Variants in SEMA4F observed in about 807,000 individuals in gnomAD.
The protein encoded by SEMA4F is ssemaphorin 4F, also known as semaphorin-4F.
Under a neutral mutation model 78.4 loss-of-function variants are expected in SEMA4F, and 51 were observed. The ratio of observed to expected loss-of-function variants is 0.65; its 90% CI spans 0.52 to 0.82. The LOEUF is 0.82. Among genes scored for constraint, SEMA4F ranks in the 40% least tolerant of loss-of-function variants. SEMA4F has a pLI of 0.00. For missense variants in SEMA4F, 938 were observed against 1,014.4 expected (o/e 0.92, Z 1.02); for synonymous variants, 418 against 408.7 (o/e 1.02, Z -0.27).
intron 5 of SEMA4F, among the ~76,000 whole-genome samples, chr2:74,665,354 C>T (rs755995649): frequency 1.5e-4 from 22 of 151,572 alleles, no homozygotes; most frequent in South Asian, 4.2e-4. Flanking sequence ...CTCAGCCTCC[C>T]GAGTAGCTGG....
At chr2:74,656,448 A>C in intron 1 of SEMA4F, 86 bp from the exon 2 acceptor site, 1 of 1,418,288 alleles carries the variant, frequency 7.1e-7, no homozygotes, top group Non-Finnish European at 9.7e-7. Context: ...TTGGAAGAAA[A>C]CAAAAATTGG....
chr2:74,697,315 T>C, the SEMA4F span, among the ~76,000 whole-genome samples: 3 of 152,214 alleles, frequency 2.0e-5, no homozygotes, highest in African/African-American at 7.2e-5. Context: ...CAATGTATAG[T>C]CCAGAGTATC....
chr2:74,668,613 G>GTT (rs758572242), intron 5 of SEMA4F, among the ~76,000 whole-genome samples: 13 of 140,898 alleles, frequency 9.2e-5, no homozygotes, highest in Non-Finnish European at 1.1e-4. Context: ...AATCAGTTGT[G>GTT]TTTTTTTTTT....
intron 5 of SEMA4F, among the ~76,000 whole-genome samples, chr2:74,665,686 T>C (rs1684656169): frequency 6.6e-6 from 1 of 152,220 alleles, no homozygotes; most frequent in Non-Finnish European, 1.5e-5. Flanking sequence ...GAGACCTTCC[T>C]TATACATGTT....
intron 1 of SEMA4F, among the ~76,000 whole-genome samples, chr2:74,654,809 G>T (rs1405255229): frequency 6.6e-6 from 1 of 152,214 alleles, no homozygotes; most frequent in East Asian, 1.9e-4. Context: ...CCGCAGGAGC[G>T]TCCAGTCCTC....
Position 74,654,337 on chromosome 2 carries a change from C to T in SEMA4F, c.-40C>T. Reference sequence around the variant, plus strand: ...GTAGCCCCGGGGCCCTGAGCAGAGGCCGTAGCTTGCGCCGCACCCGCGGCC... The same window carrying T: ...GTAGCCCCGGGGCCCTGAGCAGAGGTCGTAGCTTGCGCCGCACCCGCGGCC... On this transcript the variant is annotated 5_prime_UTR_variant, in exon 1 of 14. Transcript: ENST00000357877. 2 of 1,444,428 alleles carry T rather than the reference C, an allele frequency of 1.4e-6. No homozygotes were observed. The highest frequency in any genetic ancestry group is 1.8e-6 in the Non-Finnish European group (2 of 1,106,338). 89.5% of individuals were successfully genotyped at this position (1,444,428 alleles called of 1,614,324 possible).
chr2:74,694,858 G>A, the SEMA4F span, among the ~76,000 whole-genome samples: 1,510 of 152,282 alleles, frequency 9.9e-3, 18 homozygotes, highest in African/African-American at 0.034. Flanking sequence ...GGTTAATGTA[G>A]CCTGTTTCTT....
At chr2:74,657,484 A>T in intron 2 of SEMA4F, 81 bp from the exon 3 acceptor site, 1 of 1,361,574 alleles carries the variant, frequency 7.3e-7, no homozygotes, top group South Asian at 1.2e-5. Context: ...TGGAGGTTAT[A>T]GAACAGTTTA....
At chr2:74,695,168 G>T in the SEMA4F span, among the ~76,000 whole-genome samples, 2 of 152,150 alleles carry the variant, frequency 1.3e-5, no homozygotes, top group Non-Finnish European at 2.9e-5. Flanking sequence ...GTCTCAGCAG[G>T]TTATAGCAAC....
At position 74,680,142 on chromosome 2, in the gene SEMA4F, G is replaced by A; in HGVS notation, c.2246G>A (p.Cys749Tyr). Residue 749 changes from cysteine to tyrosine, a missense_variant, in exon 14 of 14, where the codon TGC becomes TAC. By Grantham distance (194) the Cys-to-Tyr change is radical. Transcript: ENST00000357877. ...GFSPPFLLDP[C>Y]PSPAHIRLTG... ...TCACCACCCTTCCTGCTTGATCCTT[G>A]CCCAAGCCCAGCCCACATTCGGCTA... The A allele has an allele frequency of 6.2e-7, 1 of 1,607,016 alleles. No homozygotes were observed. The highest frequency in any genetic ancestry group is 8.5e-7 in the Non-Finnish European group (1 of 1,174,312).
chr2:74,675,146 C>T lies in SEMA4F; in HGVS notation c.1150-16C>T. 1 of 1,614,016 alleles carries T rather than the reference C, an allele frequency of 6.2e-7. No homozygotes were observed. Among genetic ancestry groups the T allele is most frequent in the East Asian group, 2.2e-5 (1 of 44,882 alleles). On this transcript the variant is annotated splice_polypyrimidine_tract_variant and intron_variant, in intron 9 of 13. Transcript: ENST00000357877. ...GTTCCTGGGAAACTTTGTCACCAGCCCTGTATTTCCTCTAGTGCATCACCA... is the reference window on the plus strand; with the variant it reads ...GTTCCTGGGAAACTTTGTCACCAGCTCTGTATTTCCTCTAGTGCATCACCA...
the SEMA4F span, among the ~76,000 whole-genome samples, chr2:74,696,386 C>T: frequency 5.9e-5 from 9 of 151,890 alleles, no homozygotes; most frequent in Admixed American, 3.3e-4. Context: ...TTAGTAGAGA[C>T]GGGGTTTCAT....
At chr2:74,685,980 C>G (rs1391955675), downstream of SEMA4F, among the ~76,000 whole-genome samples, 2 of 152,110 alleles carry the variant, frequency 1.3e-5, no homozygotes, top group Non-Finnish European at 2.9e-5. Flanking sequence ...TACTGGTCAT[C>G]AGAGAAATGC....
downstream of SEMA4F, among the ~76,000 whole-genome samples, chr2:74,685,920 A>G (rs190579814): frequency 6.2e-4 from 94 of 152,318 alleles, no homozygotes; most frequent in African/African-American, 2.2e-3. Context: ...GACCCTTCTC[A>G]AAAGAAGACA....
At position 74,673,463 on chromosome 2, in the gene SEMA4F, TC is replaced by T. The variant is rs1685091402; in HGVS notation, c.559del (p.Leu187SerfsTer6). 1 of 1,611,794 alleles carries T rather than the reference TC, an allele frequency of 6.2e-7. No homozygotes were observed. The highest frequency in any genetic ancestry group is 1.1e-5 in the South Asian group (1 of 90,900). On this transcript the variant is annotated frameshift_variant, in exon 6 of 14. Coordinates refer to ENST00000357877, the MANE Select transcript of SEMA4F (RefSeq NM_004263.5). LOFTEE classifies it high-confidence loss of function. ...CCTCCCTGTCGCCCTGCAGGGGGGG[TC>T]CTCTATGCTGCCACTGTGAAAAACT... ...QRSAAVMAGG[V>X]LYAATVKNYL... is the part of the protein sequence containing the mutation.
At chr2:74,654,670 G>C (rs1377670368) in intron 1 of SEMA4F, 149 bp downstream of exon 1, 6 of 654,554 alleles carry the variant, frequency 9.2e-6, no homozygotes, top group Admixed American at 4.0e-5. Context: ...ACCGGGGCGA[G>C]ATCTTCGCAC....
chr2:74,670,977 G>A (rs951576059), intron 5 of SEMA4F, among the ~76,000 whole-genome samples: 6 of 150,404 alleles, frequency 4.0e-5, no homozygotes, highest in African/African-American at 1.3e-4. Flanking sequence ...CATGTGCCAG[G>A]CCTTAGCTAG....
At chr2:74,661,005 G>A (rs1684400891) in intron 4 of SEMA4F, among the ~76,000 whole-genome samples, 1 of 152,156 alleles carries the variant, frequency 6.6e-6, no homozygotes, top group Non-Finnish European at 1.5e-5. Flanking sequence ...CTAGAAAGAA[G>A]AAGAAGGAAA....
chr2:74,657,040 C>A (rs1259403645), intron 2 of SEMA4F, among the ~76,000 whole-genome samples: 1 of 152,130 alleles, frequency 6.6e-6, no homozygotes, highest in African/African-American at 2.4e-5. Context: ...GTTTGAGCAT[C>A]CCTAATCTAA....
Sources: gnomAD v4.1 joint callset for allele counts (sites outside exome capture counted in the v4.1 genomes callset) on GRCh38, gnomAD v4.1.1 for gene constraint, MANE v1.5 for transcripts, NCBI Gene and HGNC (gene_info 2026-07-23, HGNC 2026-07-21) for gene names.